Variants in ZNF75D observed in about 807,000 individuals in gnomAD.
ZNF75D encodes the protein zinc finger protein 75.
A neutral mutation model predicts 33.3 loss-of-function variants in ZNF75D; 33 were observed. The observed-to-expected ratio is 0.99, with a 90% CI of 0.75 to 1.32. The LOEUF (loss-of-function observed/expected upper bound fraction) is 1.32. ZNF75D is among the 40% of genes most tolerant of loss of function. ZNF75D has a pLI of 0.00. For missense variants in ZNF75D, 338 were observed against 367.5 expected, an observed-to-expected ratio of 0.92 and a Z score of 0.66; for synonymous variants, 113 against 130.6, an observed-to-expected ratio of 0.87 and a Z score of 0.92.
At chrX:135,308,514 C>A (rs1306849516) in intron 1 of ZNF75D, among the ~76,000 whole-genome samples, 1 of 112,065 alleles carries the variant, frequency 8.9e-6, no homozygotes, top group Admixed American at 9.4e-5. Context: ...AACTATAGAG[C>A]AGTGGGTAAA....
At chrX:135,253,131 G>GGGGT (rs1556413790) in intron 2 of ZNF75D, 1 of 195,709 alleles carries the variant, frequency 5.1e-6, no homozygotes, top group Non-Finnish European at 8.9e-6. Flanking sequence ...TGTGTATGGG[G>GGGGT]GTGTGTGTGT....
intron 1 of ZNF75D, among the ~76,000 whole-genome samples, chrX:135,269,344 G>C (rs901303540): frequency 2.7e-5 from 3 of 112,018 alleles, no homozygotes; most frequent in Admixed American, 9.5e-5. Context: ...TTTTTGCAAA[G>C]TGCCCATCTG....
rs2084123966 is a variant in ZNF75D, at chrX:135,295,946, T to C, written c.-297A>G. 1 of 111,110 alleles carries C rather than the reference T, an allele frequency of 9.0e-6. No homozygotes were observed. The highest frequency in any genetic ancestry group is 3.3e-5 in the African/African-American group (1 of 30,490). 9.2% of individuals were successfully genotyped at this position (111,110 alleles called of 1,213,427 possible). ...GCCTGGCGAGTGAAGCTCCAAGATG[T>C]GGGGAGTCTTGGAATATCAGTTCCC... On this transcript the variant is annotated 5_prime_UTR_variant, in exon 2 of 7. Coordinates refer to ENST00000370766, the MANE Select transcript of ZNF75D (RefSeq NM_007131.5).
chrX:135,279,456 T>G (rs1456929420), intron 1 of ZNF75D, among the ~76,000 whole-genome samples: 4 of 111,886 alleles, frequency 3.6e-5, no homozygotes, highest in Non-Finnish European at 7.5e-5. Flanking sequence ...TTCATTGATT[T>G]TTTGAAGGGT....
intron 1 of ZNF75D, among the ~76,000 whole-genome samples, chrX:135,258,556 C>CT (rs2083821176): frequency 9.0e-6 from 1 of 110,517 alleles, no homozygotes; most frequent in Non-Finnish European, 1.9e-5. Flanking sequence ...TGATGAGGAG[C>CT]TTTTTTTCAT....
At chrX:135,320,138 C>A (rs2084477511) in intron 1 of ZNF75D, among the ~76,000 whole-genome samples, 1 of 110,473 alleles carries the variant, frequency 9.1e-6, no homozygotes, top group African/African-American at 3.3e-5. Flanking sequence ...ACTAAAAGTA[C>A]AAAAATTAGC....
chrX:135,303,297 G>GCTGGGGGA lies in ZNF75D; in HGVS notation c.-390-7266_-390-7259dup, dbSNP rs781892441. ...AGCACAGACCCTTCATGGGTGTCGG[G>GCTGGGGGA]CTGGGGGACGGTCAGGTCTTTCCCT... is the stretch of plus-strand genomic sequence containing the variant. On this transcript the variant is annotated intron_variant, in intron 1 of 6. Coordinates refer to ENST00000370766, the MANE Select transcript of ZNF75D (RefSeq NM_007131.5). 3.4e-4 allele frequency among the ~76,000 whole-genome samples: 38 copies of GCTGGGGGA among 110,789 alleles called. 1 individual carries two copies. The highest frequency in any genetic ancestry group is 1.7e-4 in the Non-Finnish European group (9 of 52,843).
At position 135,331,019 on chromosome X, in the gene ZNF75D, C is replaced by T. The variant is rs560338750; in HGVS notation, c.-391+10749G>A. On this transcript the variant is annotated intron_variant, in intron 1 of 6. Transcript: ENST00000370766. ...TTGAAGAGATATCCATCCAGTTCTC[C>T]TCTAAAACCTAATTGCTTACCCAGA... Among the ~76,000 whole-genome samples, 7 of 111,824 alleles carry T rather than the reference C, an allele frequency of 6.3e-5. No individual in the cohort carries two copies. The South Asian group carries it at 2.6e-3, about 42-fold the overall frequency.
intron 1 of ZNF75D, among the ~76,000 whole-genome samples, chrX:135,272,809 C>T (rs2148462678): frequency 9.0e-6 from 1 of 111,409 alleles, no homozygotes; most frequent in East Asian, 2.8e-4. Context: ...GGGCGTACAC[C>T]TAGTAAATGA....
Position 135,297,364 on chromosome X carries a change from G to A in ZNF75D, c.-390-1325C>T, listed in dbSNP as rs1204672924. 2.7e-5 allele frequency: 3 copies of A among 112,210 alleles called. No individual in the cohort carries two copies. In the Admixed American group the frequency reaches 2.8e-4, roughly 11 times the overall value. The allele number at this position is 112,210 out of a possible 1,213,427, so 9.2% of individuals were successfully genotyped here. A position where few individuals can be genotyped will look rare whatever the true frequency, so the allele number is the denominator to read the frequency against. ...TATATAAACTTAGTAAAAATGTTTG[G>A]TTCATCAGAGCATCGTCTTCAGAAT... is the stretch of plus-strand genomic sequence containing the variant. On this transcript the variant is annotated intron_variant, in intron 1 of 6. Coordinates refer to ENST00000370766, the MANE Select transcript of ZNF75D (RefSeq NM_007131.5).
chrX:135,339,460 A>G (rs2084756452), intron 1 of ZNF75D, among the ~76,000 whole-genome samples: 1 of 111,000 alleles, frequency 9.0e-6, no homozygotes, highest in Admixed American at 9.5e-5. Context: ...TCATTTCTGA[A>G]CTCCTGTTGC....
At chrX:135,319,454 T>C (rs904716464) in intron 1 of ZNF75D, among the ~76,000 whole-genome samples, 5 of 112,082 alleles carry the variant, frequency 4.5e-5, no homozygotes, top group Admixed American at 3.8e-4. Context: ...ATCTGGTGCA[T>C]TGAGGACAAA....
chrX:135,263,359 C>G (rs781934318), intron 1 of ZNF75D, among the ~76,000 whole-genome samples: 8 of 112,816 alleles, frequency 7.1e-5, no homozygotes, highest in Non-Finnish European at 1.5e-4. Context: ...AGCTGTCAGA[C>G]AAGGATGTTT....
chrX:135,308,143 G>A (rs1556426278), intron 1 of ZNF75D, among the ~76,000 whole-genome samples: 1 of 112,198 alleles, frequency 8.9e-6, no homozygotes, highest in Non-Finnish European at 1.9e-5. Context: ...AAGGAAGCCA[G>A]GTGATGGTTG....
chrX:135,311,609 T>A (rs1359358099), intron 1 of ZNF75D, among the ~76,000 whole-genome samples: 1 of 112,176 alleles, frequency 8.9e-6, no homozygotes, highest in East Asian at 2.8e-4. Flanking sequence ...AGTTAGTTAC[T>A]AGCTGTAGTT....
At position 135,293,716 on chromosome X, in the gene ZNF75D, A is replaced by C; in HGVS notation, c.411+14T>G. On this transcript the variant is annotated intron_variant, in intron 3 of 6. Coordinates refer to ENST00000370766, the MANE Select transcript of ZNF75D (RefSeq NM_007131.5). ...TCCTACTTCATTGTACATGTAGGCAATCTTTCTTCTTACCTCATTCTTTGT... is the reference window on the plus strand; with the variant it reads ...TCCTACTTCATTGTACATGTAGGCACTCTTTCTTCTTACCTCATTCTTTGT... 2 of 1,156,638 alleles carry C rather than the reference A, an allele frequency of 1.7e-6. No homozygotes were observed. The highest frequency in any genetic ancestry group is 2.3e-6 in the Non-Finnish European group (2 of 866,394).
chrX:135,289,754 G>A (rs782367650), intron 6 of ZNF75D, among the ~76,000 whole-genome samples: 7 of 111,198 alleles, frequency 6.3e-5, no homozygotes, highest in Non-Finnish European at 9.4e-5. Context: ...TCACCTTAGA[G>A]CAAGAGCTAT....
chrX:135,304,295 G>A (rs1478731451), intron 1 of ZNF75D, among the ~76,000 whole-genome samples: 1 of 111,104 alleles, frequency 9.0e-6, no homozygotes, highest in Non-Finnish European at 1.9e-5. Context: ...GGGCATAGGT[G>A]GGTGGAAGCA....
intron 1 of ZNF75D, among the ~76,000 whole-genome samples, chrX:135,304,687 T>G (rs1391399479): frequency 4.4e-5 from 5 of 112,625 alleles, no homozygotes; most frequent in Non-Finnish European, 9.4e-5. Flanking sequence ...ACAGAGTTCC[T>G]ACAACCAGTT....
Sources: allele counts gnomAD v4.1 joint callset (sites outside exome capture counted in the v4.1 genomes callset), GRCh38; gene constraint gnomAD v4.1.1; transcripts MANE v1.5; gene names NCBI Gene and HGNC (gene_info 2026-07-23, HGNC 2026-07-21).